The following UNC5D variants were observed in gnomAD, a reference collection of about 807,000 sequenced individuals.
The protein encoded by UNC5D is unc-5 netrin receptor D, also known as netrin receptor UNC5D.
In UNC5D, 39 loss-of-function variants were observed where a neutral mutation model predicts 105.4. The observed-to-expected ratio is 0.37, with a 90% confidence interval of 0.29 to 0.48. The LOEUF (loss-of-function observed/expected upper bound fraction) is 0.48, where lower values mean the gene tolerates loss of function less well. Among genes scored for constraint, UNC5D ranks in the 20% least tolerant of loss-of-function variants. UNC5D has a pLI of 0.98. For synonymous variants in UNC5D, 452 were observed against 450.4 expected, an observed-to-expected ratio of 1.00 and a Z score of -0.04; for missense variants, 991 against 1,202.4, an observed-to-expected ratio of 0.82 and a Z score of 2.60.
chr8:35,514,384 A>G (rs1812978607), intron 1 of UNC5D, among the ~76,000 whole-genome samples: 1 of 152,202 alleles, frequency 6.6e-6, no homozygotes, highest in African/African-American at 2.4e-5. Flanking sequence ...TAAAAGAACC[A>G]TTATCAGGAA....
At chr8:35,497,247 T>A (rs1811659324) in intron 1 of UNC5D, among the ~76,000 whole-genome samples, 1 of 152,174 alleles carries the variant, frequency 6.6e-6, no homozygotes, top group Admixed American at 6.5e-5. Flanking sequence ...TCTTCAGAGA[T>A]TAGGATGTTC....
intron 15 of UNC5D, among the ~76,000 whole-genome samples, chr8:35,768,044 A>G (rs940901791): frequency 1.3e-5 from 2 of 150,702 alleles, no homozygotes; most frequent in Admixed American, 1.3e-4. Flanking sequence ...ATAAATATAT[A>G]TTTATAAATT....
Position 35,595,619 on chromosome 8 carries a change from C to A in UNC5D, c.532C>A (p.Leu178Met), listed in dbSNP as rs1819442731. The A allele has an allele frequency of 6.2e-7, 1 of 1,613,972 alleles. No individual in the cohort carries two copies. Among genetic ancestry groups the A allele is most frequent in the Non-Finnish European group, 8.5e-7 (1 of 1,179,990 alleles). The stretch of plus-strand genomic sequence containing the variant: ...AGTTCCCATTGAAGGCATGATTGTA[C>A]TGCACTGCCGCCCACCAGAGGGAGT... ...REVPIEGMIV[L>M]HCRPPEGVPA... The change falls in exon 4 of 17, where the codon CTG becomes ATG. Residue 178 changes from leucine (L) to methionine (M), a missense_variant. Transcript: ENST00000404895.
intron 3 of UNC5D, among the ~76,000 whole-genome samples, chr8:35,572,213 G>A (rs2589761): frequency 0.094 from 14,111 of 149,492 alleles, 705 homozygotes; most frequent in Middle Eastern, 0.12. Flanking sequence ...GTTTGAGCCC[G>A]GGAGGTGGAG....
chr8:35,720,729 AATC>A (rs555235596), intron 8 of UNC5D, among the ~76,000 whole-genome samples: 229 of 152,308 alleles, frequency 1.5e-3, no homozygotes, highest in Middle Eastern at 6.8e-3. Flanking sequence ...CTCACATTTG[AATC>A]ATCATGAAGC....
chr8:35,426,159 A>T (rs1563406410), intron 1 of UNC5D, among the ~76,000 whole-genome samples: 1 of 152,150 alleles, frequency 6.6e-6, no homozygotes, highest in African/African-American at 2.4e-5. Flanking sequence ...GTGTTTGACA[A>T]TAAGACGTGG....
At chr8:35,580,311 A>C (rs1818394711) in intron 3 of UNC5D, among the ~76,000 whole-genome samples, 1 of 152,180 alleles carries the variant, frequency 6.6e-6, no homozygotes, top group African/African-American at 2.4e-5. Context: ...ACTGGCAAGT[A>C]GGTGGTAGTT....
At chr8:35,289,862 TA>T (rs1393128337) in intron 1 of UNC5D, among the ~76,000 whole-genome samples, 3 of 152,084 alleles carry the variant, frequency 2.0e-5, no homozygotes, top group African/African-American at 7.2e-5. Flanking sequence ...CATCTGCCTG[TA>T]ATTTCAGCCA....
At chr8:35,591,450 T>A (rs1161932785) in intron 3 of UNC5D, among the ~76,000 whole-genome samples, 1 of 152,206 alleles carries the variant, frequency 6.6e-6, no homozygotes, top group East Asian at 1.9e-4. Context: ...TAGGGTTGTT[T>A]CTTTTTAAAG....
At position 35,513,838 on chromosome 8, in the gene UNC5D, A is replaced by G. The variant is rs542851136; in HGVS notation, c.104-35454A>G. ...TTTACCCATTAAACAGGTTCTTTTA[A>G]AATCCATGAAAAGTTTGCTTTCTAA... On this transcript the variant is annotated intron_variant, in intron 1 of 16. Coordinates refer to ENST00000404895, the MANE Select transcript of UNC5D (RefSeq NM_080872.4). Among the ~76,000 whole-genome samples the G allele has an allele frequency of 6.6e-5, 10 of 152,326 alleles. No homozygotes were observed. The East Asian group carries it at 1.9e-3, about 29-fold the overall frequency.
At chr8:35,565,381 ATCT>A (rs1200974809) in intron 2 of UNC5D, among the ~76,000 whole-genome samples, 2 of 152,016 alleles carry the variant, frequency 1.3e-5, no homozygotes, top group Non-Finnish European at 2.9e-5. Flanking sequence ...ATACTTACAT[ATCT>A]TCTTTTGAAA....
intron 1 of UNC5D, among the ~76,000 whole-genome samples, chr8:35,375,500 A>C (rs1194314048): frequency 6.6e-6 from 1 of 152,214 alleles, no homozygotes; most frequent in African/African-American, 2.4e-5. Flanking sequence ...CAAAAAAGGA[A>C]CGTGAGTTAC....
intron 1 of UNC5D, among the ~76,000 whole-genome samples, chr8:35,366,332 T>G (rs764432577): frequency 6.6e-5 from 10 of 152,090 alleles, no homozygotes; most frequent in Non-Finnish European, 1.2e-4. Context: ...TCTTGCCACA[T>G]GGTCTTGTGC....
In UNC5D at chr8:35,633,594, A is replaced by T. The variant is rs190535388; in HGVS notation, c.570+37937A>T. 5.7e-3 allele frequency among the ~76,000 whole-genome samples: 858 copies of T among 150,940 alleles called. 10 individuals carry two copies. Among genetic ancestry groups the T allele is most frequent in the African/African-American group, 0.019 (777 of 40,780 alleles). On this transcript the variant is annotated intron_variant, in intron 4 of 16. Transcript: ENST00000404895. ...GAGACCTCATCTCTACAAAAAAAAA[A>T]TTTTTTTTAAATTAGCAAGACATGG...
rs149543289 is a variant in UNC5D, at chr8:35,675,216, G to A, written c.571-8331G>A. ...CTAGGTCATTTCTATGCTCAGCTCT[G>A]GGAACTAAAGCAAAGAATAATGGAC... On this transcript the variant is annotated intron_variant, in intron 4 of 16. Transcript: ENST00000404895. 1.5e-3 allele frequency among the ~76,000 whole-genome samples: 227 copies of A among 152,218 alleles called. 1 individual carries two copies. Among genetic ancestry groups the A allele is most frequent in the African/African-American group, 5.2e-3 (216 of 41,548 alleles).
At chr8:35,700,975 A>G (rs1425603871) in intron 7 of UNC5D, among the ~76,000 whole-genome samples, 1 of 152,238 alleles carries the variant, frequency 6.6e-6, no homozygotes, top group Non-Finnish European at 1.5e-5. Flanking sequence ...TGTGAAGGGT[A>G]AGTTAAAATA....
chr8:35,589,620 A>G (rs971789629), intron 3 of UNC5D, among the ~76,000 whole-genome samples: 3 of 152,126 alleles, frequency 2.0e-5, no homozygotes, highest in Admixed American at 2.0e-4. Context: ...TAAAAAACCC[A>G]CCAAAACTAC....
At chr8:35,632,206 A>AT (rs1006249344) in intron 4 of UNC5D, among the ~76,000 whole-genome samples, 4 of 152,024 alleles carry the variant, frequency 2.6e-5, no homozygotes, top group Admixed American at 2.0e-4. Flanking sequence ...AAAAGTTTCC[A>AT]TTTTTTCTAT....
At chr8:35,787,549 T>G (rs1041506569) in intron 16 of UNC5D, among the ~76,000 whole-genome samples, 4 of 152,198 alleles carry the variant, frequency 2.6e-5, no homozygotes, top group African/African-American at 9.6e-5. Flanking sequence ...ATTGCAACTT[T>G]CCCTACAAAC....
Sources: gnomAD v4.1 joint callset for allele counts (sites outside exome capture counted in the v4.1 genomes callset) on GRCh38, gnomAD v4.1.1 for gene constraint, MANE v1.5 for transcripts, NCBI Gene and HGNC (gene_info 2026-07-23, HGNC 2026-07-21) for gene names.